DIP2C: variants seen among roughly 807,000 people sequenced by gnomAD.
The protein encoded by DIP2C is disco-interacting protein 2 homolog C.
In DIP2C, 33 loss-of-function variants were observed where a neutral mutation model predicts 192.4. The observed-to-expected ratio is 0.17, with a 90% CI of 0.13 to 0.23. The LOEUF is 0.23. Among genes scored for constraint, DIP2C ranks in the 10% least tolerant of loss-of-function variants. DIP2C has a pLI of 1.00. For synonymous variants in DIP2C, 979 were observed against 864.1 expected, an observed-to-expected ratio of 1.13 and a Z score of -2.33; for missense variants, 1,537 against 2,110.1, an observed-to-expected ratio of 0.73 and a Z score of 5.32.
rs961352056 is a variant in DIP2C at position 643,517 on chromosome 10, AAAAAAC to A, written c.85+45971_85+45976del. 4.6e-5 allele frequency among the ~76,000 whole-genome samples: 7 copies of A among 152,292 alleles called. No individual in the cohort carries two copies. The East Asian group carries it at 1.3e-3, about 29-fold the overall frequency. On this transcript the variant is annotated intron_variant, in intron 1 of 36. Coordinates refer to ENST00000280886, the MANE Select transcript of DIP2C (RefSeq NM_014974.3). ...TGACAGAGTGAGACTCCATCTCAAA[AAAAAAC>A]AAAAACAAAAAACAACACAGAAGCC...
chr10:351,720 A>T (rs533296397), intron 24 of DIP2C, among the ~76,000 whole-genome samples: 62 of 152,346 alleles, frequency 4.1e-4, no homozygotes, highest in African/African-American at 1.5e-3. Context: ...CCTGCTGAGA[A>T]GACAGATTTG....
chr10:438,203 C>T (rs543130670), intron 4 of DIP2C, among the ~76,000 whole-genome samples: 2 of 152,298 alleles, frequency 1.3e-5, no homozygotes, highest in African/African-American at 4.8e-5. Flanking sequence ...ATTCATCACA[C>T]ATGACCCAGT....
intron 25 of DIP2C, among the ~76,000 whole-genome samples, chr10:349,095 T>A (rs1369855092): frequency 1.3e-5 from 2 of 152,266 alleles, no homozygotes; most frequent in East Asian, 3.8e-4. Flanking sequence ...AATTTGGATA[T>A]AAAAGTCATT....
At chr10:623,470 G>A (rs1334433940) in intron 1 of DIP2C, among the ~76,000 whole-genome samples, 1 of 146,840 alleles carries the variant, frequency 6.8e-6, no homozygotes, top group Non-Finnish European at 1.5e-5. Context: ...GGGGAGGAGG[G>A]GAGGGATGCA....
intron 1 of DIP2C, among the ~76,000 whole-genome samples, chr10:527,148 G>A (rs764393862): frequency 1.3e-5 from 2 of 152,190 alleles, no homozygotes; most frequent in African/African-American, 4.8e-5. Context: ...GCCTTCACCC[G>A]GTTCATAACT....
intron 1 of DIP2C, among the ~76,000 whole-genome samples, chr10:493,621 C>G (rs1844609605): frequency 6.6e-6 from 1 of 152,292 alleles, no homozygotes; most frequent in Middle Eastern, 3.4e-3. Flanking sequence ...GTCTCTCACG[C>G]TCCACCCTCC....
At chr10:353,701 T>TG (rs1430186289) in intron 24 of DIP2C, among the ~76,000 whole-genome samples, 1 of 152,186 alleles carries the variant, frequency 6.6e-6, no homozygotes, top group Non-Finnish European at 1.5e-5. Flanking sequence ...AATGAGCTTG[T>TG]GACTACACGG....
chr10:281,258 A>G lies in DIP2C; in HGVS notation c.4360T>C (p.Tyr1454His). Residue 1454 changes from tyrosine to histidine, a missense_variant, in exon 36 of 37, where the codon TAC (tyrosine) becomes CAC (histidine). This residue lies in a region of DIP2C where 341 missense variants were observed against 551.7 expected (regional missense o/e 0.62). Coordinates refer to ENST00000280886, the MANE Select transcript of DIP2C (RefSeq NM_014974.3). ...DEAMELRGMRYHPIDIETSVI... is the reference protein window; with the variant it reads ...DEAMELRGMRHHPIDIETSVI... ...GAGGTCTCAATGTCGATTGGGTGGT[A>G]CCGCATGCCCCGCAGCTCCATGGCT... is the stretch of plus-strand genomic sequence containing the variant. 6 of 1,614,202 alleles carry G rather than the reference A, an allele frequency of 3.7e-6. No individual in the cohort carries two copies. Among genetic ancestry groups the G allele is most frequent in the Non-Finnish European group, 5.1e-6 (6 of 1,180,044 alleles).
intron 29 of DIP2C, among the ~76,000 whole-genome samples, chr10:333,901 C>T (rs1412778320): frequency 2.6e-5 from 4 of 152,112 alleles, no homozygotes; most frequent in South Asian, 2.1e-4. Flanking sequence ...CCCTAATTAA[C>T]GCTAGGTATC....
intron 3 of DIP2C, among the ~76,000 whole-genome samples, chr10:465,275 A>G (rs1198239381): frequency 1.4e-5 from 2 of 145,682 alleles, no homozygotes; most frequent in East Asian, 4.0e-4. Context: ...AAACAGAGCC[A>G]AAGACAAAAA....
chr10:445,156 C>CA (rs2133289178), intron 3 of DIP2C, among the ~76,000 whole-genome samples: 1 of 152,222 alleles, frequency 6.6e-6, no homozygotes, highest in East Asian at 1.9e-4. Context: ...CTGGTGAGCG[C>CA]CTTTCATGGG....
chr10:672,375 G>A (rs1192931298), intron 1 of DIP2C, among the ~76,000 whole-genome samples: 1 of 152,208 alleles, frequency 6.6e-6, no homozygotes, highest in Non-Finnish European at 1.5e-5. Flanking sequence ...GTGGAACATC[G>A]GACAGGAACG....
chr10:580,184 C>T (rs554705976), intron 1 of DIP2C, among the ~76,000 whole-genome samples: 69 of 152,028 alleles, frequency 4.5e-4, no homozygotes, highest in East Asian at 7.7e-4. Context: ...CCTACACATG[C>T]GTAGTGTATA....
chr10:359,438 A>C (rs1268579328), intron 22 of DIP2C, among the ~76,000 whole-genome samples: 3 of 152,240 alleles, frequency 2.0e-5, no homozygotes, highest in East Asian at 3.8e-4. Flanking sequence ...CTTGGGTTCT[A>C]GGCGACGTGT....
chr10:574,175 G>A (rs190262141), intron 1 of DIP2C, among the ~76,000 whole-genome samples: 2 of 152,326 alleles, frequency 1.3e-5, no homozygotes, highest in Admixed American at 6.5e-5. Flanking sequence ...TAAAGACATT[G>A]CTGCTTTTAG....
chr10:304,653 T>C (rs1040585050), intron 32 of DIP2C, among the ~76,000 whole-genome samples: 10 of 151,736 alleles, frequency 6.6e-5, no homozygotes, highest in African/African-American at 2.4e-4. Context: ...TCAGTGTGCA[T>C]GTGCACATGC....
intron 1 of DIP2C, among the ~76,000 whole-genome samples, chr10:671,209 A>G (rs1830616005): frequency 6.6e-6 from 1 of 152,284 alleles, no homozygotes; most frequent in African/African-American, 2.4e-5. Context: ...CTCAGCACAC[A>G]GCGATCAGTA....
intron 1 of DIP2C, among the ~76,000 whole-genome samples, chr10:515,861 A>T (rs1846318913): frequency 6.6e-6 from 1 of 152,174 alleles, no homozygotes; most frequent in African/African-American, 2.4e-5. Flanking sequence ...GTCTCTAAAC[A>T]CTATGGTAAA....
chr10:550,867 A>G (rs1172070096), intron 1 of DIP2C, among the ~76,000 whole-genome samples: 1 of 152,214 alleles, frequency 6.6e-6, no homozygotes, highest in Non-Finnish European at 1.5e-5. Flanking sequence ...CGGGACTGAG[A>G]AGGTCAGCAC....
Sources: gnomAD v4.1 joint callset for allele counts (sites outside exome capture counted in the v4.1 genomes callset) on GRCh38, gnomAD v4.1.1 for gene constraint, gnomAD v4.1.1 regional missense constraint, MANE v1.5 for transcripts, NCBI Gene and HGNC (gene_info 2026-07-23, HGNC 2026-07-21) for gene names.